Variants in LMNB2 observed in about 807,000 individuals in gnomAD.
LMNB2 encodes lamin-B2.
Under a neutral mutation model 69.3 loss-of-function variants are expected in LMNB2, and 17 were observed. That is an observed-to-expected ratio of 0.25 (90% CI 0.17 to 0.37). The LOEUF (loss-of-function observed/expected upper bound fraction) is 0.37. Ranked by LOEUF, LMNB2 falls within the 10% of genes least tolerant of loss-of-function variation. The probability of loss-of-function intolerance (pLI) is 1.00; values close to 1 mark genes in which losing one functional copy is unlikely to be tolerated. For synonymous variants in LMNB2, 397 were observed against 389.3 expected (o/e 1.02, Z -0.23); for missense variants, 789 against 883.6 (o/e 0.89, Z 1.36).
chr19:2,434,290 C>T lies in LMNB2; in HGVS notation c.1202+5G>A, dbSNP rs753219694. 2 of 1,612,436 alleles carry T rather than the reference C, an allele frequency of 1.2e-6. No individual in the cohort carries two copies. Among genetic ancestry groups the T allele is most frequent in the Non-Finnish European group, 1.7e-6 (2 of 1,179,850 alleles). On this transcript the variant is annotated splice_donor_5th_base_variant and intron_variant, in intron 7 of 11. Transcript: ENST00000325327. ...TGTGCTCCCAAGCCTCCTGGCCTGC[C>T]GCACCTCTCCTCCTCGCCCTCCAGG... is the stretch of plus-strand genomic sequence containing the variant.
chr19:2,433,921 G>A lies in LMNB2; in HGVS notation c.1387C>T (p.His463Tyr). 2.5e-6 allele frequency: 4 copies of A among 1,612,172 alleles called. No homozygotes were observed. Among genetic ancestry groups the A allele is most frequent in the Non-Finnish European group, 3.4e-6 (4 of 1,179,446 alleles). The change falls in exon 8 of 12, where the codon CAC (histidine) becomes TAC (tyrosine). Residue 463 changes from histidine (H) to tyrosine (Y), a missense_variant. Physicochemically the swap from His to Tyr is moderately conservative, Grantham distance 83 (BLOSUM62 2). Coordinates refer to ENST00000325327, the MANE Select transcript of LMNB2 (RefSeq NM_032737.4). The stretch of plus-strand genomic sequence containing the variant: ...GAGGCCGAGGCCTGCTGGGCCAGGT[G>A]GAAGCCACCGCTGCCACCCGTGCCC... ...GTGTGGSGGFHLAQQASASGS... is the reference protein window; with the variant it reads ...GTGTGGSGGFYLAQQASASGS...
At chr19:2,438,313 GGT>G in intron 3 of LMNB2, 25 bp from the exon 4 acceptor site, 1 of 1,613,846 alleles carries the variant, frequency 6.2e-7, no homozygotes, top group Non-Finnish European at 8.5e-7. Context: ...ACAGCGAGCT[GGT>G]GTGACAATCT....
intron 2 of LMNB2, 25 bp from the exon 3 acceptor site, chr19:2,438,556 T>TGG: frequency 6.2e-7 from 1 of 1,603,176 alleles, no homozygotes; most frequent in Non-Finnish European, 8.5e-7. Flanking sequence ...GGCAAGTGAG[T>TGG]GGGGAGGGGC....
chr19:2,433,775 C>T (rs750348993), intron 8 of LMNB2, 51 bp downstream of exon 8: 1 of 1,608,082 alleles, frequency 6.2e-7, no homozygotes, highest in Non-Finnish European at 8.5e-7. Context: ...CCTGGTCACC[C>T]CCATCAGCTG....
chr19:2,434,663 C>T lies in LMNB2; in HGVS notation c.981+125G>A, dbSNP rs73510374. 112 of 1,501,596 alleles carry T rather than the reference C, an allele frequency of 7.5e-5. No homozygotes were observed. The African/African-American group carries it at 1.2e-3, about 17-fold the overall frequency. The allele number at this position is 1,501,596 out of a possible 1,614,324, so 93.0% of individuals were successfully genotyped here. A position where few individuals can be genotyped will look rare whatever the true frequency, so the allele number is the denominator to read the frequency against. On this transcript the variant is annotated intron_variant, in intron 6 of 11. Transcript: ENST00000325327. ...GGCGCACGGGAGGGGAGGGAAGGGG[C>T]ATCGCTGGGCGCCCCGAGGGCTGCA...
At chr19:2,452,432 TAG>T (rs1260096855) in intron 1 of LMNB2, among the ~76,000 whole-genome samples, 1 of 145,582 alleles carries the variant, frequency 6.9e-6, no homozygotes, top group African/African-American at 2.6e-5. Flanking sequence ...AGACTCTGTC[TAG>T]AAAAAAAAAA....
At chr19:2,438,952 T>C (rs1971860300) in intron 2 of LMNB2, among the ~76,000 whole-genome samples, 1 of 149,254 alleles carries the variant, frequency 6.7e-6, no homozygotes. Context: ...CCAAATTAGC[T>C]CCAACATTAG....
Position 2,438,441 on chromosome 19 carries a change from T to A in LMNB2, c.492A>T (p.Ala164=), listed in dbSNP as rs1216335145. The A allele has an allele frequency of 3.1e-6, 5 of 1,612,448 alleles. No individual in the cohort carries two copies. The Admixed American group carries it at 8.3e-5, about 27-fold the overall frequency. The change falls in exon 3 of 12, where the codon GCA becomes GCT. Residue 164 remains alanine, a synonymous_variant. Transcript: ENST00000325327. ...GGCCGCGCTTGTCGCTGAGGGCAGCTGCCAGCTCCACCTCGCTCCGGTGGA... is the reference window on the plus strand; with the variant it reads ...GGCCGCGCTTGTCGCTGAGGGCAGCAGCCAGCTCCACCTCGCTCCGGTGGA... ...SLFHRSEVEL[A]AALSDKRGLE...
At chr19:2,454,117 ACT>A (rs759315757) in intron 1 of LMNB2, among the ~76,000 whole-genome samples, 6 of 151,858 alleles carry the variant, frequency 4.0e-5, no homozygotes, top group Non-Finnish European at 8.8e-5. Context: ...ACAAGGCCAA[ACT>A]CTGTCTCTAC....
rs1328449791 is a variant in LMNB2 at position 2,447,015 on chromosome 19, G to C, written c.265-2475C>G. Among the ~76,000 whole-genome samples the C allele has an allele frequency of 6.6e-6, 1 of 151,912 alleles. No individual in the cohort carries two copies. Among genetic ancestry groups the C allele is most frequent in the East Asian group, 1.9e-4 (1 of 5,186 alleles). On this transcript the variant is annotated intron_variant, in intron 1 of 11. Transcript: ENST00000325327. The surrounding 1 kb of genome is among the most constrained non-coding windows in gnomAD (Gnocchi z 4.4). ...AAAAATTAGCCAGGCGTGGTGGTGG[G>C]CGCCTGTGGTCCCAGCTACTTGGGA...
chr19:2,435,332 G>A (rs913409061), intron 4 of LMNB2, among the ~76,000 whole-genome samples, 161 bp from the exon 5 acceptor site: 1 of 152,194 alleles, frequency 6.6e-6, no homozygotes, highest in Non-Finnish European at 1.5e-5. Context: ...GCGACCCAGG[G>A]GCCGTCCACG....
chr19:2,444,300 G>A, intron 2 of LMNB2, 104 bp downstream of exon 2: 1 of 1,352,922 alleles, frequency 7.4e-7, no homozygotes, highest in Admixed American at 1.8e-5. Context: ...TCCAGGCTGT[G>A]CCCGTATCAG....
At chr19:2,454,808 G>T (rs1268449802) in intron 1 of LMNB2, among the ~76,000 whole-genome samples, 1 of 152,090 alleles carries the variant, frequency 6.6e-6, no homozygotes, top group African/African-American at 2.4e-5. Context: ...ATTGGGCATG[G>T]CCAGTGGGAG....
In LMNB2 at chr19:2,453,627, C is replaced by T. The variant is rs1213048013; in HGVS notation, c.264+3043G>A. Among the ~76,000 whole-genome samples, 2 of 152,170 alleles carry T rather than the reference C, an allele frequency of 1.3e-5. No individual in the cohort carries two copies. The highest frequency in any genetic ancestry group is 4.8e-5 in the African/African-American group (2 of 41,434). On this transcript the variant is annotated intron_variant, in intron 1 of 11. Transcript: ENST00000325327. The surrounding 1 kb of genome is among the most constrained non-coding windows in gnomAD (Gnocchi z 4.4). ...CAGTGTGTCACCTGCTAAATGGCTGCCTTCACTGGAGTCAGACCCGCATTT... is the reference window on the plus strand; with the variant it reads ...CAGTGTGTCACCTGCTAAATGGCTGTCTTCACTGGAGTCAGACCCGCATTT...
rs775926931 is a variant in LMNB2, at chr19:2,433,946, C to T, written c.1362G>A (p.Thr454=). 1.1e-5 allele frequency: 17 copies of T among 1,612,024 alleles called. No individual in the cohort carries two copies. Among genetic ancestry groups the T allele is most frequent in the East Asian group, 8.9e-5 (4 of 44,882 alleles). ...GGAAGCCACCGCTGCCACCCGTGCC[C>T]GTGCCCAGGACGCTTGGGCCGCTGC... ...PLGSGPSVLG[T]GTGGSGGFHL... Residue 454 remains threonine (T), a synonymous_variant, in exon 8 of 12, where the codon ACG becomes ACA. Transcript: ENST00000325327.
chr19:2,452,380 G>A (rs985457779), intron 1 of LMNB2, among the ~76,000 whole-genome samples: 30 of 151,894 alleles, frequency 2.0e-4, no homozygotes, highest in Middle Eastern at 3.4e-3. Context: ...GTTGCAGTGA[G>A]CCAAGATCAC....
chr19:2,446,536 C>G (rs1427378265), intron 1 of LMNB2, among the ~76,000 whole-genome samples: 1 of 152,246 alleles, frequency 6.6e-6, no homozygotes, highest in Non-Finnish European at 1.5e-5. Context: ...CTTCTAGTGG[C>G]CTTCCTGCCT....
intron 1 of LMNB2, among the ~76,000 whole-genome samples, chr19:2,454,798 AT>A (rs1198614795): frequency 6.6e-6 from 1 of 151,962 alleles, no homozygotes; most frequent in Non-Finnish European, 1.5e-5. Context: ...CTGTCCTTGG[AT>A]TGGGCATGGC....
intron 2 of LMNB2, among the ~76,000 whole-genome samples, chr19:2,439,842 T>C (rs940996202): frequency 2.6e-5 from 4 of 151,710 alleles, no homozygotes; most frequent in African/African-American, 9.7e-5. Flanking sequence ...CAAACAATTC[T>C]CCTGCCTCAG....
Sources: allele counts gnomAD v4.1 joint callset (sites outside exome capture counted in the v4.1 genomes callset), GRCh38; gene constraint gnomAD v4.1.1; non-coding constraint Gnocchi (gnomAD v3.1); transcripts MANE v1.5; gene names NCBI Gene and HGNC (gene_info 2026-07-23, HGNC 2026-07-21).